Variants in NPDC1 observed in about 807,000 individuals in gnomAD.
NPDC1 encodes neural proliferation, differentiation and control 1, also known as neural proliferation differentiation and control protein 1.
A neutral mutation model predicts 32.5 loss-of-function variants in NPDC1; 18 were observed. The ratio of observed to expected loss-of-function variants is 0.55; its 90% CI spans 0.38 to 0.82. The LOEUF (loss-of-function observed/expected upper bound fraction) is 0.82. NPDC1 is among the 40% of genes least tolerant of loss of function. NPDC1 has a pLI of 0.00. For synonymous variants in NPDC1, 210 were observed against 184.7 expected, an observed-to-expected ratio of 1.14 and a Z score of -1.11; for missense variants, 468 against 406.6, an observed-to-expected ratio of 1.15 and a Z score of -1.30.
intron 2 of NPDC1, among the ~76,000 whole-genome samples, 173 bp from the exon 3 acceptor site, chr9:137,041,360 G>A (rs1832052713): frequency 6.6e-6 from 1 of 152,206 alleles, no homozygotes; most frequent in Admixed American, 6.5e-5. Flanking sequence ...CCTGTGAGGG[G>A]CAGTGCTTCC....
intron 3 of NPDC1, 22 bp downstream of exon 3, chr9:137,041,040 G>C (rs773954188): frequency 6.6e-7 from 1 of 1,519,586 alleles, no homozygotes; most frequent in Non-Finnish European, 8.8e-7. Context: ...GGGCCGTGGG[G>C]CAGGGGAAGC....
Position 137,039,597 on chromosome 9 carries a change from T to G in NPDC1, c.*175A>C. On this transcript the variant is annotated 3_prime_UTR_variant, in exon 9 of 9. Transcript: ENST00000371601. ...AGGAGAGGTGCAGGGGACCAGGAGG[T>G]GTCCTGGCACAAAGGTTCGGGGGTC... 1 of 578,370 alleles carries G rather than the reference T, an allele frequency of 1.7e-6. No homozygotes were observed. The highest frequency in any genetic ancestry group is 3.1e-6 in the Non-Finnish European group (1 of 326,492). The allele number at this position is 578,370 out of a possible 1,614,324, so 35.8% of individuals were successfully genotyped here.
Position 137,041,239 on chromosome 9 carries a change from C to G in NPDC1, c.260-52G>C, listed in dbSNP as rs1210417397. 9 of 1,351,542 alleles carry G rather than the reference C, an allele frequency of 6.7e-6. No individual in the cohort carries two copies. The South Asian group carries it at 1.9e-4, about 29-fold the overall frequency. The allele number at this position is 1,351,542 out of a possible 1,614,324, so 83.7% of individuals were successfully genotyped here. On this transcript the variant is annotated intron_variant, in intron 2 of 8. Coordinates refer to ENST00000371601, the MANE Select transcript of NPDC1 (RefSeq NM_015392.4). ...GGAGGGGTCCGTCCAGGAGGTAGCCCCAGGCCCGGCCTCCCCGCTTCTGGC... is the reference window on the plus strand; with the variant it reads ...GGAGGGGTCCGTCCAGGAGGTAGCCGCAGGCCCGGCCTCCCCGCTTCTGGC...
At chr9:137,044,863 C>G (rs995480897) in intron 1 of NPDC1, among the ~76,000 whole-genome samples, 1 of 152,256 alleles carries the variant, frequency 6.6e-6, no homozygotes, top group Non-Finnish European at 1.5e-5. Context: ...ATGCCCACCT[C>G]CCATCCAGGG....
rs1832081000 is a variant in NPDC1, at chr9:137,043,017, G to A, written c.169C>T (p.Pro57Ser). The change falls in exon 2 of 9, where the codon CCT becomes TCT. Residue 57 changes from proline (P) to serine (S), a missense_variant. Physicochemically the swap from Pro to Ser is moderately conservative, Grantham distance 74. Transcript: ENST00000371601. ...DCALKRRARC[P>S]PGAHACGPCL... is the part of the protein sequence containing the mutation. ...GGCCCACAGGCATGTGCACCAGGAGGACACCTTGCCCGCCTCTTCAGGGCA... is the reference window on the plus strand; with the variant it reads ...GGCCCACAGGCATGTGCACCAGGAGAACACCTTGCCCGCCTCTTCAGGGCA... 1.2e-6 allele frequency: 2 copies of A among 1,612,722 alleles called. No individual in the cohort carries two copies. The highest frequency in any genetic ancestry group is 1.7e-6 in the Non-Finnish European group (2 of 1,179,914).
intron 1 of NPDC1, chr9:137,043,841 C>A (rs1044341881): frequency 5.7e-6 from 1 of 176,430 alleles, no homozygotes; most frequent in Admixed American, 5.4e-5. Context: ...GGCCACGGTG[C>A]CAGCTGACAC....
chr9:137,040,814 C>T lies in NPDC1; in HGVS notation c.556G>A (p.Val186Met). Residue 186 changes from valine to methionine, a missense_variant and splice_region_variant, in exon 4 of 9, where the codon GTG becomes ATG. Coordinates refer to ENST00000371601, the MANE Select transcript of NPDC1 (RefSeq NM_015392.4). Reference sequence around the variant, plus strand: ...CTGCCCACCCCCGACCAAGACCTACCAAGGGCGAGGCCGTCGCCTTGCCCT... The same window carrying T: ...CTGCCCACCCCCGACCAAGACCTACTAAGGGCGAGGCCGTCGCCTTGCCCT... The part of the protein sequence containing the change: ...RGGQGDGLAL[V>M]LILAFCVAGA... 3 of 1,592,804 alleles carry T rather than the reference C, an allele frequency of 1.9e-6. No homozygotes were observed. The highest frequency in any genetic ancestry group is 2.6e-6 in the Non-Finnish European group (3 of 1,174,322).
chr9:137,042,554 G>T (rs1177125687), intron 2 of NPDC1, among the ~76,000 whole-genome samples: 9 of 137,702 alleles, frequency 6.5e-5, no homozygotes, highest in Admixed American at 2.3e-4. Context: ...ACTGCTCCCG[G>T]CCTTCTTTTT....
At chr9:137,043,417 C>T (rs545897504) in intron 1 of NPDC1, 1 of 677,350 alleles carries the variant, frequency 1.5e-6, no homozygotes, top group East Asian at 2.7e-5. Flanking sequence ...CCGGCCTCAA[C>T]ATGCCCCACA....
intron 2 of NPDC1, among the ~76,000 whole-genome samples, chr9:137,041,797 T>A (rs2131502119): frequency 1.3e-5 from 2 of 152,212 alleles, no homozygotes; most frequent in South Asian, 4.2e-4. Context: ...CCCCAGCACC[T>A]CTGAGCAAAG....
At position 137,039,781 on chromosome 9, in the gene NPDC1, TG is replaced by T; in HGVS notation, c.968del (p.Ala323AspfsTer30). 1.3e-6 allele frequency: 1 copy of T among 773,638 alleles called. No individual in the cohort carries two copies. Among genetic ancestry groups the T allele is most frequent in the Non-Finnish European group, 2.4e-6 (1 of 414,890 alleles). 47.9% of individuals were successfully genotyped at this position (773,638 alleles called of 1,614,324 possible). ...APLPAPSSPP[A>X]LP ...TCTGTCTGCCTCCAGGTCATGGCAG[TG>T]CAGGCGGTGAGCTGGGGGCCGGCAG... On this transcript the variant is annotated frameshift_variant, in exon 9 of 9. Transcript: ENST00000371601. LOFTEE classifies it high-confidence loss of function.
Position 137,039,615 on chromosome 9 carries a change from CG to C in NPDC1, c.*156del. 5 of 590,988 alleles carry C rather than the reference CG, an allele frequency of 8.5e-6. No individual in the cohort carries two copies. The highest frequency in any genetic ancestry group is 2.1e-5 in the South Asian group (1 of 48,542). 36.6% of individuals were successfully genotyped at this position (590,988 alleles called of 1,614,324 possible). ...CAGGAGGTGTCCTGGCACAAAGGTT[CG>C]GGGGTCTCCCTGGCAAGGGGTCCCA... On this transcript the variant is annotated 3_prime_UTR_variant, in exon 9 of 9. Transcript: ENST00000371601.
Position 137,041,103 on chromosome 9 carries a change from G to C in NPDC1, c.344C>G (p.Thr115Ser), listed in dbSNP as rs1832044697. 6.5e-7 allele frequency: 1 copy of C among 1,532,754 alleles called. No individual in the cohort carries two copies. The allele number at this position is 1,532,754 out of a possible 1,614,324, so 94.9% of individuals were successfully genotyped here. A position where few individuals can be genotyped will look rare whatever the true frequency, so the allele number is the denominator to read the frequency against. The change falls in exon 3 of 9, where the codon ACT (threonine) becomes AGT (serine). Residue 115 changes from threonine to serine, a missense_variant. By Grantham distance (58) the Thr-to-Ser change is moderately conservative (BLOSUM62 1). Transcript: ENST00000371601. ...CTGTCGGTCCTTGGGTAGGGGCGGA[G>C]TTGAGTGTCCAGACTCCTTCCGGGC... ...ELARKESGHS[T>S]PPLPKDRQRL...
chr9:137,042,661 G>A (rs977045325), intron 2 of NPDC1, among the ~76,000 whole-genome samples: 5 of 148,636 alleles, frequency 3.4e-5, no homozygotes, highest in African/African-American at 1.2e-4. Flanking sequence ...CCGGGTTAAA[G>A]CAATTCTCCT....
rs571635555 is a variant in NPDC1, at chr9:137,040,857, C to T, written c.513G>A (p.Ser171=). Reference sequence around the variant, plus strand: ...CTTGCCCTCCCCGGGGCTCCAGGGGCGACATGTGCACCGGGTCGGATGACA... The same window carrying T: ...CTTGCCCTCCCCGGGGCTCCAGGGGTGACATGTGCACCGGGTCGGATGACA... ...SPVSSDPVHM[S]PLEPRGGQGD... The change falls in exon 4 of 9, where the codon TCG becomes TCA. Residue 171 remains serine, a synonymous_variant. Coordinates refer to ENST00000371601, the MANE Select transcript of NPDC1 (RefSeq NM_015392.4). The T allele has an allele frequency of 1.6e-5, 25 of 1,599,012 alleles. No individual in the cohort carries two copies. Among genetic ancestry groups the T allele is most frequent in the South Asian group, 1.1e-4 (10 of 89,540 alleles).
rs1485727642 is a variant in NPDC1, at chr9:137,039,825, C to T, written c.925G>A (p.Ala309Thr). Residue 309 changes from alanine (A) to threonine (T), a missense_variant, in exon 9 of 9, where the codon GCC becomes ACC. Ala to Thr is a moderately conservative substitution (Grantham distance 58, BLOSUM62 0). Coordinates refer to ENST00000371601, the MANE Select transcript of NPDC1 (RefSeq NM_015392.4). The part of the protein sequence containing the change: ...MEVRNPLFDH[A>T]ALSAPLPAPS... ...GCCGGCAGGGGCGCGGACAGTGCGG[C>T]GTGGTCGAACAGAGGGTTGCGCACC... The T allele has an allele frequency of 5.1e-6, 4 of 779,142 alleles. No homozygotes were observed. Among genetic ancestry groups the T allele is most frequent in the Non-Finnish European group, 7.2e-6 (3 of 417,940 alleles). The allele number at this position is 779,142 out of a possible 1,614,324, so 48.3% of individuals were successfully genotyped here.
rs377015318 is a variant in NPDC1 at position 137,040,657 on chromosome 9, G to C, written c.623+14C>G. The C allele has an allele frequency of 6.4e-7, 1 of 1,570,710 alleles. No individual in the cohort carries two copies. Among genetic ancestry groups the C allele is most frequent in the East Asian group, 2.3e-5 (1 of 43,528 alleles). ...GTGGCACCCTCCCTGCCCTGCCCGC[G>C]GCCACTGGCTCACCTGCACCAGCAG... On this transcript the variant is annotated intron_variant, in intron 5 of 8. Coordinates refer to ENST00000371601, the MANE Select transcript of NPDC1 (RefSeq NM_015392.4).
At position 137,044,404 on chromosome 9, in the gene NPDC1, C is replaced by T. The variant is rs979962085; in HGVS notation, c.113-1331G>A. ...CACCTGGGGAGTGAGGCAGTCCCCG[C>T]TCCTGTGCTGATACCCCACCGTCCA... is the stretch of plus-strand genomic sequence containing the variant. On this transcript the variant is annotated intron_variant, in intron 1 of 8. Coordinates refer to ENST00000371601, the MANE Select transcript of NPDC1 (RefSeq NM_015392.4). Among the ~76,000 whole-genome samples, 28 of 152,306 alleles carry T rather than the reference C, an allele frequency of 1.8e-4. No individual in the cohort carries two copies. The South Asian group carries it at 2.1e-3, about 11-fold the overall frequency.
intron 2 of NPDC1, among the ~76,000 whole-genome samples, chr9:137,042,598 T>G (rs1832074330): frequency 1.5e-5 from 2 of 136,508 alleles, no homozygotes; most frequent in South Asian, 4.8e-4. Context: ...AGTCTCGCAC[T>G]GTCGCCCAGG....
Sources: allele counts gnomAD v4.1 joint callset (sites outside exome capture counted in the v4.1 genomes callset), GRCh38; gene constraint gnomAD v4.1.1; transcripts MANE v1.5; gene names NCBI Gene and HGNC (gene_info 2026-07-23, HGNC 2026-07-21).